GPHN: variants seen among roughly 807,000 people sequenced by gnomAD.
GPHN encodes gephyrin.
GPHN carries 17 observed loss-of-function variants against 95.5 expected under a neutral mutation model. The observed-to-expected ratio is 0.18, with a 90% confidence interval of 0.12 to 0.27. The LOEUF (loss-of-function observed/expected upper bound fraction) is 0.27. GPHN is among the 10% of genes least tolerant of loss of function. The probability of loss-of-function intolerance (pLI) is 1.00; values close to 1 mark genes in which losing one functional copy is unlikely to be tolerated. For missense variants in GPHN, 660 were observed against 978.1 expected, an observed-to-expected ratio of 0.67 and a Z score of 4.34; for synonymous variants, 320 against 322.5, an observed-to-expected ratio of 0.99 and a Z score of 0.08.
chr14:66,716,955 G>A (rs145943655), intron 2 of GPHN, among the ~76,000 whole-genome samples: 2,216 of 152,168 alleles, frequency 0.015, 23 homozygotes, highest in Non-Finnish European at 0.02. Context: ...TCTTTCCTTC[G>A]TCTTAACTTT....
At chr14:67,514,391 C>T in the GPHN span, among the ~76,000 whole-genome samples, 2 of 152,144 alleles carry the variant, frequency 1.3e-5, no homozygotes, top group African/African-American at 4.8e-5. Flanking sequence ...CACTCCCCAT[C>T]CCAGCCAGGC....
intron 8 of GPHN, among the ~76,000 whole-genome samples, chr14:66,945,236 G>A (rs1049082876): frequency 6.6e-6 from 1 of 152,192 alleles, no homozygotes; most frequent in African/African-American, 2.4e-5. Flanking sequence ...CTGCTAGCAG[G>A]TTTCCCGCCT....
chr14:66,577,014 A>G (rs892664503), intron 1 of GPHN, among the ~76,000 whole-genome samples: 14 of 152,230 alleles, frequency 9.2e-5, no homozygotes, highest in African/African-American at 3.1e-4. Context: ...GCAGTTGGAC[A>G]TTGATGTTAT....
chr14:67,509,811 A>G, the GPHN span, among the ~76,000 whole-genome samples: 1 of 152,008 alleles, frequency 6.6e-6, no homozygotes, highest in Non-Finnish European at 1.5e-5. Flanking sequence ...GTTTGAGACC[A>G]GCCTGTGCAA....
intron 9 of GPHN, among the ~76,000 whole-genome samples, chr14:67,017,002 C>T (rs750997582): frequency 6.6e-6 from 1 of 152,162 alleles, no homozygotes; most frequent in Non-Finnish European, 1.5e-5. Flanking sequence ...GAAATTAAAG[C>T]TCTAAGTGTT....
intron 1 of GPHN, among the ~76,000 whole-genome samples, chr14:66,609,766 A>G (rs1459885045): frequency 6.6e-6 from 1 of 151,978 alleles, no homozygotes; most frequent in Non-Finnish European, 1.5e-5. Context: ...CTTGTAGTGA[A>G]TTTTTCAATT....
intron 8 of GPHN, among the ~76,000 whole-genome samples, chr14:66,963,507 C>A (rs187947631): frequency 6.6e-6 from 1 of 152,102 alleles, no homozygotes; most frequent in Admixed American, 6.5e-5. Context: ...GTGATACTTT[C>A]TGTAAGTATG....
intron 2 of GPHN, among the ~76,000 whole-genome samples, chr14:66,706,041 C>A (rs538758396): frequency 2.0e-5 from 3 of 152,202 alleles, no homozygotes; most frequent in South Asian, 2.1e-4. Flanking sequence ...AGAGCCAAAT[C>A]ATGAATAAAC....
chr14:66,589,969 T>C (rs1286773877), intron 1 of GPHN, among the ~76,000 whole-genome samples: 1 of 149,362 alleles, frequency 6.7e-6, no homozygotes, highest in Non-Finnish European at 1.5e-5. Flanking sequence ...ATGGAAATCA[T>C]AATAGTCTCT....
chr14:67,658,515 T>G, the GPHN span, among the ~76,000 whole-genome samples: 1 of 152,012 alleles, frequency 6.6e-6, no homozygotes, highest in Non-Finnish European at 1.5e-5. Context: ...GAGAATGGAG[T>G]GAACCCGGGA....
chr14:67,725,269 G>C, the GPHN span: 4 of 1,612,350 alleles, frequency 2.5e-6, no homozygotes, highest in Non-Finnish European at 3.4e-6. Flanking sequence ...GGTCCTGATG[G>C]GTAGGTAGAA....
In GPHN at chr14:67,071,870, T is replaced by G. The variant is rs562138861; in HGVS notation, c.1144+13084T>G. Reference sequence around the variant, plus strand: ...AAAGCACATTACAAATATATCTCTTTAAGCAATTTTAGTAGAAAACAATAC... The same window carrying G: ...AAAGCACATTACAAATATATCTCTTGAAGCAATTTTAGTAGAAAACAATAC... On this transcript the variant is annotated intron_variant, in intron 11 of 22. Coordinates refer to ENST00000478722, the MANE Select transcript of GPHN (RefSeq NM_020806.5). Among the ~76,000 whole-genome samples the G allele has an allele frequency of 4.6e-5, 7 of 152,182 alleles. No homozygotes were observed. In the South Asian group the frequency reaches 1.5e-3, roughly 32 times the overall value.
the GPHN span, among the ~76,000 whole-genome samples, chr14:67,240,046 C>T: frequency 6.6e-6 from 1 of 152,242 alleles, no homozygotes; most frequent in South Asian, 2.1e-4. Flanking sequence ...TCGGTTGTGT[C>T]GTCCACCTGT....
chr14:67,286,572 T>C, the GPHN span, among the ~76,000 whole-genome samples: 1 of 152,036 alleles, frequency 6.6e-6, no homozygotes, highest in Admixed American at 6.6e-5. Context: ...TTAACTGTTC[T>C]TAGCCGGGCG....
intron 10 of GPHN, among the ~76,000 whole-genome samples, chr14:67,041,376 C>A (rs567219697): frequency 2.0e-5 from 3 of 151,580 alleles, no homozygotes; most frequent in African/African-American, 7.3e-5. Context: ...TAACCCCCCA[C>A]CCCCCAACAG....
At chr14:66,763,737 C>T (rs1188197760) in intron 2 of GPHN, among the ~76,000 whole-genome samples, 1 of 151,996 alleles carries the variant, frequency 6.6e-6, no homozygotes, top group African/African-American at 2.4e-5. Context: ...GGCCATTGAA[C>T]AGTAGTGGTC....
the GPHN span, among the ~76,000 whole-genome samples, chr14:67,481,342 G>A: frequency 6.6e-6 from 1 of 152,170 alleles, no homozygotes. Context: ...GAAATATGGT[G>A]TGCCCCAAGC....
In GPHN at chr14:66,842,597, G is replaced by C. The variant is rs1460133010; in HGVS notation, c.294+18031G>C. ...GGCTGGTTCTTATTTCCCTGAACCA[G>C]TTTGTACAGCCCTAAATTTGACCTG... is the stretch of plus-strand genomic sequence containing the variant. On this transcript the variant is annotated intron_variant, in intron 4 of 22. Coordinates refer to ENST00000478722, the MANE Select transcript of GPHN (RefSeq NM_020806.5). The C allele has an allele frequency of 6.2e-6, 6 of 973,040 alleles. No homozygotes were observed. In the African/African-American group the frequency reaches 9.7e-5, roughly 16 times the overall value. 60.3% of individuals were successfully genotyped at this position (973,040 alleles called of 1,614,324 possible). A position where few individuals can be genotyped will look rare whatever the true frequency, so the allele number is the denominator to read the frequency against.
the GPHN span, among the ~76,000 whole-genome samples, chr14:67,480,378 GGAGACTGAAGGTGAGCCT>G: frequency 6.6e-6 from 1 of 152,148 alleles, no homozygotes; most frequent in African/African-American, 2.4e-5. Flanking sequence ...AGACATCCCG[GGAGACTGAAGGTGAGCCT>G]CCAGCTTCCC....
Sources: allele counts gnomAD v4.1 joint callset (sites outside exome capture counted in the v4.1 genomes callset), GRCh38; gene constraint gnomAD v4.1.1; transcripts MANE v1.5; gene names NCBI Gene and HGNC (gene_info 2026-07-23, HGNC 2026-07-21).